Variants in CCDC171 observed in about 807,000 individuals in gnomAD.
CCDC171 encodes the protein coiled-coil domain containing 171, also known as coiled-coil domain-containing protein 171.
Under a neutral mutation model 168.2 loss-of-function variants are expected in CCDC171, and 177 were observed. The ratio of observed to expected loss-of-function variants is 1.05; its 90% CI spans 0.93 to 1.19. CCDC171 has a LOEUF of 1.19. Ranked by LOEUF, CCDC171 falls within the 50% of genes most tolerant of loss-of-function variation. CCDC171 has a pLI of 0.00. For missense variants in CCDC171, 1,991 were observed against 1,539.0 expected, an observed-to-expected ratio of 1.29 and a Z score of -4.91; for synonymous variants, 687 against 540.8, an observed-to-expected ratio of 1.27 and a Z score of -3.75.
intron 5 of CCDC171, among the ~76,000 whole-genome samples, chr9:15,592,365 C>T (rs1318397490): frequency 2.0e-5 from 3 of 150,706 alleles, no homozygotes; most frequent in Non-Finnish European, 3.0e-5. Flanking sequence ...AAAAACAAAA[C>T]AAAGAAAAAA....
chr9:15,718,841 A>T (rs553113902), intron 11 of CCDC171, among the ~76,000 whole-genome samples: 4 of 152,320 alleles, frequency 2.6e-5, no homozygotes, highest in Admixed American at 2.0e-4. Context: ...AAATACTGGG[A>T]AAGCCTTCTC....
chr9:15,874,461 AG>A (rs1588950254), intron 23 of CCDC171, 70 bp from the exon 24 acceptor site: 2 of 1,390,678 alleles, frequency 1.4e-6, no homozygotes, highest in East Asian at 5.2e-5. Flanking sequence ...AGTGGGCTCA[AG>A]GGGACCCAGT....
At chr9:15,774,925 A>G (rs1201450623) in intron 18 of CCDC171, among the ~76,000 whole-genome samples, 3 of 152,242 alleles carry the variant, frequency 2.0e-5, no homozygotes, top group African/African-American at 7.2e-5. Flanking sequence ...AGGCATAAGA[A>G]TGATACATTG....
Position 15,657,237 on chromosome 9 carries a change from AT to A in CCDC171, c.915+22del. 1 of 1,510,440 alleles carries A rather than the reference AT, an allele frequency of 6.6e-7. No homozygotes were observed. The highest frequency in any genetic ancestry group is 9.2e-7 in the Non-Finnish European group (1 of 1,089,730). 93.6% of individuals were successfully genotyped at this position (1,510,440 alleles called of 1,614,324 possible). On this transcript the variant is annotated intron_variant, in intron 8 of 25. Coordinates refer to ENST00000380701, the MANE Select transcript of CCDC171 (RefSeq NM_173550.4). The stretch of plus-strand genomic sequence containing the variant: ...TTATTCAGGTAAAATGTAAACAAAT[AT>A]TTTGGCCTGCATTTTCTTAATTTGT...
chr9:15,825,191 G>A (rs1411188596), intron 21 of CCDC171, among the ~76,000 whole-genome samples: 1 of 152,020 alleles, frequency 6.6e-6, no homozygotes, highest in African/African-American at 2.4e-5. Flanking sequence ...CCTTGTGTTT[G>A]TGGAATTTAG....
chr9:15,829,028 A>G (rs1223817468), intron 21 of CCDC171, among the ~76,000 whole-genome samples: 1 of 152,228 alleles, frequency 6.6e-6, no homozygotes, highest in Admixed American at 6.5e-5. Flanking sequence ...AATGGCAGGC[A>G]TATTTATTGA....
At chr9:15,641,384 C>G (rs1446516031) in intron 7 of CCDC171, among the ~76,000 whole-genome samples, 1 of 152,114 alleles carries the variant, frequency 6.6e-6, no homozygotes, top group Non-Finnish European at 1.5e-5. Flanking sequence ...ATCCTCTAAG[C>G]TGAATATATT....
the CCDC171 span, among the ~76,000 whole-genome samples, chr9:16,075,680 CCTT>C: frequency 1.3e-5 from 2 of 152,096 alleles, no homozygotes; most frequent in Non-Finnish European, 2.9e-5. Flanking sequence ...AATTTTTTGT[CCTT>C]CTATCAGGCC....
Position 15,729,661 on chromosome 9 carries a change from C to A in CCDC171, c.1912C>A (p.Leu638Ile). The change falls in exon 16 of 26, where the codon CTT (leucine) becomes ATT (isoleucine). Residue 638 changes from leucine (L) to isoleucine (I), a missense_variant. Leu to Ile is a conservative substitution (Grantham distance 5, BLOSUM62 2). Coordinates refer to ENST00000380701, the MANE Select transcript of CCDC171 (RefSeq NM_173550.4). ...AAACAAGTCTGACACGATGAGAGAG[C>A]TTCAGCAGACTCAGGAAGACACCTT... ...CKNKSDTMRELQQTQEDTFTK... is the reference protein window; with the variant it reads ...CKNKSDTMREIQQTQEDTFTK... The A allele has an allele frequency of 6.2e-7, 1 of 1,613,192 alleles. No homozygotes were observed. Among genetic ancestry groups the A allele is most frequent in the Non-Finnish European group, 8.5e-7 (1 of 1,179,426 alleles).
intron 16 of CCDC171, 74 bp downstream of exon 16, chr9:15,729,872 T>G: frequency 8.6e-7 from 1 of 1,164,826 alleles, no homozygotes; most frequent in Non-Finnish European, 1.2e-6. Context: ...TTTTTTTCAG[T>G]AGCAGTGCTA....
intron 24 of CCDC171, among the ~76,000 whole-genome samples, chr9:15,879,990 G>C (rs1367869498): frequency 6.6e-6 from 1 of 152,066 alleles, no homozygotes; most frequent in Non-Finnish European, 1.5e-5. Flanking sequence ...TTTAATTTCT[G>C]ATAATAGAAG....
intron 11 of CCDC171, among the ~76,000 whole-genome samples, chr9:15,703,386 A>G (rs868790587): frequency 1.1e-4 from 16 of 152,320 alleles, no homozygotes; most frequent in Middle Eastern, 3.4e-3. Context: ...ATCCTTGTTT[A>G]TATCCATTAA....
rs2061540585 is a variant in CCDC171 at position 15,861,158 on chromosome 9, A to G, written c.3468+12211A>G. Among the ~76,000 whole-genome samples the G allele has an allele frequency of 2.6e-5, 4 of 151,012 alleles. No homozygotes were observed. The South Asian group carries it at 8.3e-4, about 31-fold the overall frequency. On this transcript the variant is annotated intron_variant, in intron 23 of 25. Transcript: ENST00000380701. ...TATCTATTTCCAACACTTTACTTTCAGTCTATGCACATCCTTAAATCTAAA... is the reference window on the plus strand; with the variant it reads ...TATCTATTTCCAACACTTTACTTTCGGTCTATGCACATCCTTAAATCTAAA...
intron 4 of CCDC171, among the ~76,000 whole-genome samples, chr9:15,579,462 AGTGTG>A (rs1445551262): frequency 1.3e-5 from 2 of 152,198 alleles, no homozygotes; most frequent in Non-Finnish European, 2.9e-5. Flanking sequence ...ACTGGGCTAG[AGTGTG>A]GTGCCTGGAA....
intron 9 of CCDC171, among the ~76,000 whole-genome samples, chr9:15,668,654 G>A (rs568826356): frequency 3.3e-5 from 5 of 151,866 alleles, no homozygotes; most frequent in African/African-American, 9.7e-5. Context: ...TTCCTTTTCC[G>A]TGTATGTGAA....
intron 1 of CCDC171, among the ~76,000 whole-genome samples, chr9:15,557,722 C>G (rs978914839): frequency 2.0e-5 from 3 of 151,984 alleles, no homozygotes; most frequent in African/African-American, 7.3e-5. Flanking sequence ...CATTGAATAC[C>G]CTTTATTTCT....
intron 3 of CCDC171, among the ~76,000 whole-genome samples, chr9:15,998,147 A>T (rs111537471): frequency 6.6e-6 from 1 of 152,136 alleles, no homozygotes; most frequent in Non-Finnish European, 1.5e-5. Context: ...AATGATGACA[A>T]ATGGAGCCAC....
chr9:15,906,132 C>G (rs963429354), intron 24 of CCDC171, among the ~76,000 whole-genome samples: 3 of 152,176 alleles, frequency 2.0e-5, no homozygotes, highest in Non-Finnish European at 4.4e-5. Flanking sequence ...GAAACTATTC[C>G]AATCAATAGA....
Position 15,573,508 on chromosome 9 carries a change from C to G in CCDC171, c.177+1749C>G, listed in dbSNP as rs1035503683. ...TGTTGGCTAGGCTGGTCTTGAACTC[C>G]TCACCTCAGGTGATCTGCCCACCTT... On this transcript the variant is annotated intron_variant, in intron 3 of 25. Transcript: ENST00000380701. Among the ~76,000 whole-genome samples, 18 of 152,102 alleles carry G rather than the reference C, an allele frequency of 1.2e-4. 1 individual carries two copies. Among genetic ancestry groups the G allele is most frequent in the African/African-American group, 4.1e-4 (17 of 41,440 alleles).
Sources: gnomAD v4.1 joint callset for allele counts (sites outside exome capture counted in the v4.1 genomes callset) on GRCh38, gnomAD v4.1.1 for gene constraint, MANE v1.5 for transcripts, NCBI Gene and HGNC (gene_info 2026-07-23, HGNC 2026-07-21) for gene names.